Variants in PPFIA2 observed in about 807,000 individuals in gnomAD.
PPFIA2 encodes the protein liprin-alpha-2.
In PPFIA2, 46 loss-of-function variants were observed where a neutral mutation model predicts 175.5. The observed-to-expected ratio is 0.26, with a 90% CI of 0.21 to 0.34. PPFIA2 has a LOEUF of 0.34. PPFIA2 is among the 10% of genes least tolerant of loss of function. The pLI, the probability that PPFIA2 is intolerant of heterozygous loss-of-function variation, is 1.00. For synonymous variants in PPFIA2, 568 were observed against 511.4 expected, an observed-to-expected ratio of 1.11 and a Z score of -1.49; for missense variants, 1,179 against 1,506.1, an observed-to-expected ratio of 0.78 and a Z score of 3.60.
chr12:81,621,136 C>T (rs1330659854), intron 4 of PPFIA2, among the ~76,000 whole-genome samples: 3 of 152,048 alleles, frequency 2.0e-5, no homozygotes, highest in African/African-American at 7.2e-5. Flanking sequence ...AATTAGGGAA[C>T]CCCTCAATGA....
chr12:81,708,471 A>G (rs1027501329), intron 3 of PPFIA2, among the ~76,000 whole-genome samples: 16 of 151,988 alleles, frequency 1.1e-4, no homozygotes, highest in Non-Finnish European at 1.8e-4. Flanking sequence ...AGTTATTTTG[A>G]AAAAAAAGTA....
intron 9 of PPFIA2, among the ~76,000 whole-genome samples, chr12:81,377,015 A>G (rs1390559533): frequency 6.6e-6 from 1 of 152,106 alleles, no homozygotes; most frequent in Admixed American, 6.6e-5. Flanking sequence ...AAAGTAAAAT[A>G]AGAAATAAAA....
At chr12:81,337,097 C>T (rs1442207416) in intron 21 of PPFIA2, among the ~76,000 whole-genome samples, 1 of 152,088 alleles carries the variant, frequency 6.6e-6, no homozygotes, top group Admixed American at 6.6e-5. Flanking sequence ...ATATGGTTTT[C>T]TGGAACCTGT....
chr12:81,453,073 C>A (rs981596296), intron 5 of PPFIA2, among the ~76,000 whole-genome samples: 1 of 150,838 alleles, frequency 6.6e-6, no homozygotes, highest in African/African-American at 2.4e-5. Context: ...TATACATGTG[C>A]CATGCTGGTG....
intron 3 of PPFIA2, among the ~76,000 whole-genome samples, chr12:81,703,950 T>C (rs910006605): frequency 7.2e-5 from 11 of 152,190 alleles, no homozygotes. Flanking sequence ...TGACTTATTA[T>C]TCTATTCCTC....
intron 4 of PPFIA2, among the ~76,000 whole-genome samples, chr12:81,632,861 T>G (rs1323160809): frequency 6.6e-6 from 1 of 152,076 alleles, no homozygotes; most frequent in African/African-American, 2.4e-5. Context: ...TGCTGTACTC[T>G]TCTGTTCCCA....
chr12:81,289,606 C>T lies in PPFIA2; in HGVS notation c.2925+5229G>A, dbSNP rs1187433813. Among the ~76,000 whole-genome samples, 7 of 151,712 alleles carry T rather than the reference C, an allele frequency of 4.6e-5. No individual in the cohort carries two copies. In the South Asian group the frequency reaches 1.0e-3, roughly 22 times the overall value. ...GCATTGTAAATGTCCAGAAGGATTC[C>T]TCATTCAAATGGCTTTTTGAGTTAT... On this transcript the variant is annotated intron_variant, in intron 24 of 32. Transcript: ENST00000549396.
At chr12:81,667,548 T>A (rs184336791) in intron 4 of PPFIA2, among the ~76,000 whole-genome samples, 1 of 152,222 alleles carries the variant, frequency 6.6e-6, no homozygotes, top group East Asian at 1.9e-4. Context: ...AACATGTAAA[T>A]GAAGTTAGTT....
intron 28 of PPFIA2, among the ~76,000 whole-genome samples, chr12:81,274,515 CTT>C (rs948500023): frequency 1.3e-5 from 2 of 149,060 alleles, no homozygotes; most frequent in African/African-American, 4.9e-5. Context: ...CAAAATACTT[CTT>C]TTTTTTTTCA....
intron 4 of PPFIA2, among the ~76,000 whole-genome samples, chr12:81,492,668 A>C (rs2147107744): frequency 6.6e-6 from 1 of 152,054 alleles, no homozygotes. Context: ...TGAAGAGGAG[A>C]CCACATCTCA....
In PPFIA2 at chr12:81,311,954, G is replaced by T. The variant is rs189974143; in HGVS notation, c.2643-12572C>A. 7 of 573,802 alleles carry T rather than the reference G, an allele frequency of 1.2e-5. No individual in the cohort carries two copies. The East Asian group carries it at 2.0e-4, about 16-fold the overall frequency. The allele number at this position is 573,802 out of a possible 1,614,324, so 35.5% of individuals were successfully genotyped here. On this transcript the variant is annotated intron_variant, in intron 22 of 32. Transcript: ENST00000549396. ...ACTGAAGAAATACAAGTGCCCAAAA[G>T]CTTACATAATTAATTAAAATGTGAA...
At chr12:81,451,353 A>G (rs953234533) in intron 5 of PPFIA2, among the ~76,000 whole-genome samples, 1 of 152,088 alleles carries the variant, frequency 6.6e-6, no homozygotes, top group Non-Finnish European at 1.5e-5. Flanking sequence ...TAGGTGGCAG[A>G]CCTGTGACTT....
At chr12:81,629,589 T>A in intron 4 of PPFIA2, among the ~76,000 whole-genome samples, 1 of 152,170 alleles carries the variant, frequency 6.6e-6, no homozygotes, top group East Asian at 1.9e-4. Flanking sequence ...CTGAGAAACC[T>A]GGCTTGGAAA....
chr12:81,479,487 T>A (rs2057924512), intron 4 of PPFIA2, among the ~76,000 whole-genome samples: 2 of 152,228 alleles, frequency 1.3e-5, no homozygotes, highest in Admixed American at 1.3e-4. Flanking sequence ...CTGGTTATTT[T>A]GCCCATTAGT....
chr12:81,344,068 A>G (rs2058623068), intron 19 of PPFIA2, among the ~76,000 whole-genome samples: 1 of 152,032 alleles, frequency 6.6e-6, no homozygotes, highest in Non-Finnish European at 1.5e-5. Flanking sequence ...TCCTGAGGCC[A>G]GACAAAATTA....
Position 81,275,330 on chromosome 12 carries a change from G to C in PPFIA2, c.3310+1987C>G, listed in dbSNP as rs575565253. On this transcript the variant is annotated intron_variant, in intron 28 of 32. Coordinates refer to ENST00000549396, the MANE Select transcript of PPFIA2 (RefSeq NM_003625.5). ...TGAAGTGTTACAAGAAATCCATTGT[G>C]AGTCTGTCTACTCTCCGATGAGACG... Among the ~76,000 whole-genome samples the C allele has an allele frequency of 2.6e-5, 4 of 152,320 alleles. No homozygotes were observed. In the East Asian group the frequency reaches 7.7e-4, roughly 29 times the overall value.
intron 7 of PPFIA2, among the ~76,000 whole-genome samples, chr12:81,416,854 G>A (rs529030598): frequency 1.3e-5 from 2 of 151,846 alleles, no homozygotes; most frequent in African/African-American, 4.8e-5. Context: ...GCTGAGAAGA[G>A]AGTGAATGCA....
At chr12:81,277,033 G>T (rs1277146570) in intron 28 of PPFIA2, among the ~76,000 whole-genome samples, 1 of 152,106 alleles carries the variant, frequency 6.6e-6, no homozygotes, top group Admixed American at 6.5e-5. Flanking sequence ...TCTACATGGA[G>T]ACATCTTTAG....
chr12:81,339,575 T>C (rs1374862677), intron 20 of PPFIA2, among the ~76,000 whole-genome samples: 1 of 152,104 alleles, frequency 6.6e-6, no homozygotes, highest in Non-Finnish European at 1.5e-5. Context: ...TTCTTTACTT[T>C]TTTGGTATAA....
Sources: gnomAD v4.1 joint callset for allele counts (sites outside exome capture counted in the v4.1 genomes callset) on GRCh38, gnomAD v4.1.1 for gene constraint, MANE v1.5 for transcripts, NCBI Gene and HGNC (gene_info 2026-07-23, HGNC 2026-07-21) for gene names.